Variants in CSMD2 observed in about 807,000 individuals in gnomAD.
The protein encoded by CSMD2 is CUB and sushi domain-containing protein 2.
Under a neutral mutation model 398.5 loss-of-function variants are expected in CSMD2, and 130 were observed. The observed-to-expected ratio is 0.33, with a 90% CI of 0.28 to 0.38. The LOEUF is 0.38. Among genes scored for constraint, CSMD2 ranks in the 10% least tolerant of loss-of-function variants. CSMD2 has a pLI of 1.00. For synonymous variants in CSMD2, 1,828 were observed against 1,908.5 expected, an observed-to-expected ratio of 0.96 and a Z score of 1.10; for missense variants, 3,829 against 4,764.9, an observed-to-expected ratio of 0.80 and a Z score of 5.78.
intron 1 of CSMD2, among the ~76,000 whole-genome samples, chr1:34,154,639 C>T (rs892626148): frequency 2.6e-5 from 4 of 151,766 alleles, no homozygotes; most frequent in African/African-American, 9.7e-5. Context: ...AGTAAGAAAC[C>T]AGATGAAATT....
intron 42 of CSMD2, among the ~76,000 whole-genome samples, chr1:33,602,884 G>A (rs1233021982): frequency 6.6e-6 from 1 of 152,220 alleles, no homozygotes; most frequent in Non-Finnish European, 1.5e-5. Flanking sequence ...GGGAGCAGAC[G>A]TTAGGGTCAG....
intron 1 of CSMD2, among the ~76,000 whole-genome samples, chr1:34,156,617 T>C (rs573348983): frequency 6.6e-6 from 1 of 152,310 alleles, no homozygotes; most frequent in South Asian, 2.1e-4. Context: ...TGGATTATAA[T>C]TGCACTTAAT....
At chr1:33,710,157 C>G (rs1251593886) in intron 21 of CSMD2, among the ~76,000 whole-genome samples, 2 of 152,176 alleles carry the variant, frequency 1.3e-5, no homozygotes, top group Non-Finnish European at 2.9e-5. Flanking sequence ...CTCCTTAACA[C>G]CCACACAGTG....
chr1:34,098,444 T>C (rs935987124), intron 1 of CSMD2, among the ~76,000 whole-genome samples: 1 of 148,238 alleles, frequency 6.7e-6, no homozygotes, highest in Non-Finnish European at 1.5e-5. Context: ...AATAAATAAA[T>C]AAAAAGAAAA....
At chr1:33,798,139 A>G (rs1297030568) in intron 10 of CSMD2, among the ~76,000 whole-genome samples, 8 of 152,224 alleles carry the variant, frequency 5.3e-5, no homozygotes, top group Non-Finnish European at 1.2e-4. Flanking sequence ...ACAGGCTCCT[A>G]TAATGACTCA....
intron 1 of CSMD2, among the ~76,000 whole-genome samples, chr1:34,159,338 C>CCCCCCCCT (rs56893007): frequency 1.4e-5 from 2 of 142,816 alleles, no homozygotes; most frequent in African/African-American, 2.7e-5. Flanking sequence ...GCCCCCCCCC[C>CCCCCCCCT]ACCCAGGAGC....
chr1:34,048,390 T>C (rs559597765), intron 2 of CSMD2, among the ~76,000 whole-genome samples: 2 of 152,288 alleles, frequency 1.3e-5, no homozygotes, highest in African/African-American at 4.8e-5. Context: ...GGCCCTCAGA[T>C]GGTGCCAGGC....
chr1:33,788,065 T>C (rs2124842731), intron 12 of CSMD2, among the ~76,000 whole-genome samples: 1 of 152,292 alleles, frequency 6.6e-6, no homozygotes, highest in Non-Finnish European at 1.5e-5. Context: ...AACTGAGGTG[T>C]GCATCTGATG....
At chr1:33,585,050 T>C (rs1226554508) in intron 46 of CSMD2, among the ~76,000 whole-genome samples, 1 of 152,194 alleles carries the variant, frequency 6.6e-6, no homozygotes, top group Non-Finnish European at 1.5e-5. Flanking sequence ...CCACCTCCAT[T>C]TGTTTGGGTT....
intron 66 of CSMD2, among the ~76,000 whole-genome samples, chr1:33,524,131 A>G (rs1011429570): frequency 4.6e-5 from 7 of 152,128 alleles, no homozygotes; most frequent in Non-Finnish European, 1.0e-4. Context: ...AAAACACTGG[A>G]GTCATATTTT....
At chr1:33,668,429 A>G (rs902678200) in intron 25 of CSMD2, among the ~76,000 whole-genome samples, 2 of 152,208 alleles carry the variant, frequency 1.3e-5, no homozygotes, top group African/African-American at 4.8e-5. Flanking sequence ...CCCTTTTATT[A>G]TAAACCTTTG....
intron 2 of CSMD2, among the ~76,000 whole-genome samples, chr1:34,076,241 T>C (rs542984862): frequency 5.3e-5 from 8 of 152,318 alleles, no homozygotes; most frequent in African/African-American, 1.7e-4. Flanking sequence ...GAAGTTCCCA[T>C]TTTGCTGAGA....
chr1:33,605,439 C>T lies in CSMD2; in HGVS notation c.6375G>A (p.Glu2125=). 6.2e-7 allele frequency: 1 copy of T among 1,614,196 alleles called. No homozygotes were observed. The highest frequency in any genetic ancestry group is 8.5e-7 in the Non-Finnish European group (1 of 1,180,030). ...AYELQECPDP[E]PFANGIVRGA... ...CCCTCACAATGCCATTGGCAAAGGG[C>T]TCTGGGTCTGGGCACTCTTGAAGTT... Residue 2125 remains glutamate, a synonymous_variant, in exon 42 of 71, where the codon GAG becomes GAA. Transcript: ENST00000373381.
At chr1:33,944,231 C>A (rs1046084155) in intron 3 of CSMD2, among the ~76,000 whole-genome samples, 1 of 121,594 alleles carries the variant, frequency 8.2e-6, no homozygotes, top group East Asian at 2.2e-4. Context: ...CTCAGGAACG[C>A]CCCCCCCCCA....
chr1:33,647,754 AC>A (rs1356169794), intron 28 of CSMD2, among the ~76,000 whole-genome samples: 2 of 152,356 alleles, frequency 1.3e-5, no homozygotes, highest in South Asian at 2.1e-4. Context: ...CTGATGCTTT[AC>A]AAAAAGTTTA....
chr1:33,859,230 G>A (rs1639313775), intron 5 of CSMD2, among the ~76,000 whole-genome samples: 1 of 152,248 alleles, frequency 6.6e-6, no homozygotes, highest in South Asian at 2.1e-4. Context: ...CCAAGATCAA[G>A]GTGTGGGGAG....
intron 53 of CSMD2, 115 bp downstream of exon 53, chr1:33,567,478 C>CACATATATATATATATATATATATATAT: frequency 2.1e-6 from 1 of 465,118 alleles, no homozygotes; most frequent in East Asian, 5.2e-5. Context: ...AAATAGCAAT[C>CACATATATATATATATATATATATATAT]ATATATATAT....
At chr1:33,992,106 C>CG (rs1646573297) in intron 3 of CSMD2, among the ~76,000 whole-genome samples, 1 of 152,148 alleles carries the variant, frequency 6.6e-6, no homozygotes, top group South Asian at 2.1e-4. Flanking sequence ...GGGGAATCAA[C>CG]CCAGGTGGTT....
At position 33,813,721 on chromosome 1, in the gene CSMD2, C is replaced by A. The variant is rs78862536; in HGVS notation, c.1325-2857G>T. On this transcript the variant is annotated intron_variant, in intron 9 of 70. Coordinates refer to ENST00000373381, the MANE Select transcript of CSMD2 (RefSeq NM_001281956.2). Reference sequence around the variant, plus strand: ...TTGGTGCCAAAGAAGAGAACTGCTCCGGGTGCAAGTGCCTCTGGTCTCATA... The same window carrying A: ...TTGGTGCCAAAGAAGAGAACTGCTCAGGGTGCAAGTGCCTCTGGTCTCATA... 4.9e-4 allele frequency among the ~76,000 whole-genome samples: 74 copies of A among 152,204 alleles called. No individual in the cohort carries two copies. The East Asian group carries it at 0.013, about 27-fold the overall frequency.
Sources: allele counts gnomAD v4.1 joint callset (sites outside exome capture counted in the v4.1 genomes callset), GRCh38; gene constraint gnomAD v4.1.1; transcripts MANE v1.5; gene names NCBI Gene and HGNC (gene_info 2026-07-23, HGNC 2026-07-21).